ST3GAL3: variants seen among roughly 807,000 people sequenced by gnomAD.
ST3GAL3 encodes the protein ST3 beta-galactoside alpha-2,3-sialyltransferase 3, also known as CMP-N-acetylneuraminate-beta-1,4-galactoside alpha-2,3-sialyltransferase.
Under a neutral mutation model 50.1 loss-of-function variants are expected in ST3GAL3, and 21 were observed. That is an observed-to-expected ratio of 0.42 (90% CI 0.30 to 0.60). The LOEUF (loss-of-function observed/expected upper bound fraction) is 0.60. Ranked by LOEUF, ST3GAL3 falls within the 20% of genes least tolerant of loss-of-function variation. ST3GAL3 has a pLI of 0.19. For synonymous variants in ST3GAL3, 183 were observed against 190.0 expected (o/e 0.96, Z 0.30); for missense variants, 353 against 489.4 (o/e 0.72, Z 2.63).
intron 5 of ST3GAL3, among the ~76,000 whole-genome samples, chr1:43,886,275 T>C (rs890492898): frequency 6.6e-6 from 1 of 152,054 alleles, no homozygotes; most frequent in African/African-American, 2.4e-5. Flanking sequence ...CAGCTACTCG[T>C]GAGGCTGAGG....
intron 4 of ST3GAL3, among the ~76,000 whole-genome samples, chr1:43,834,536 G>A (rs1298040509): frequency 2.0e-5 from 3 of 152,138 alleles, no homozygotes; most frequent in Non-Finnish European, 2.9e-5. Context: ...AGTGTGTGAC[G>A]CAGTTGGTCT....
At chr1:43,864,929 C>T (rs914095374) in intron 5 of ST3GAL3, among the ~76,000 whole-genome samples, 1 of 152,036 alleles carries the variant, frequency 6.6e-6, no homozygotes, top group Non-Finnish European at 1.5e-5. Context: ...GCTTCAAATT[C>T]CTGCAGAACA....
intron 5 of ST3GAL3, among the ~76,000 whole-genome samples, chr1:43,867,871 G>A (rs755006943): frequency 6.6e-6 from 1 of 152,068 alleles, no homozygotes; most frequent in Non-Finnish European, 1.5e-5. Context: ...TAGGATGAAG[G>A]AGAATAGGAA....
At chr1:43,734,926 T>G (rs1328974758) in intron 1 of ST3GAL3, among the ~76,000 whole-genome samples, 4 of 152,056 alleles carry the variant, frequency 2.6e-5, no homozygotes, top group African/African-American at 9.7e-5. Flanking sequence ...ACATTTAAGG[T>G]GTACCTGCTA....
chr1:43,786,716 T>C (rs916818097), intron 2 of ST3GAL3, among the ~76,000 whole-genome samples: 1 of 152,256 alleles, frequency 6.6e-6, no homozygotes, highest in Non-Finnish European at 1.5e-5. Flanking sequence ...ATTTTTGTTC[T>C]TACTCACCAC....
chr1:43,782,835 T>C (rs1032674055), intron 2 of ST3GAL3, among the ~76,000 whole-genome samples: 1 of 152,194 alleles, frequency 6.6e-6, no homozygotes, highest in Non-Finnish European at 1.5e-5. Flanking sequence ...AAAAGATCAG[T>C]GTCAAAATTC....
At chr1:43,763,511 A>T (rs886365111) in intron 2 of ST3GAL3, among the ~76,000 whole-genome samples, 1 of 152,200 alleles carries the variant, frequency 6.6e-6, no homozygotes, top group Non-Finnish European at 1.5e-5. Flanking sequence ...GCTCCATTTC[A>T]AGCCAATCAG....
At chr1:43,797,331 A>G (rs2058792181) in intron 3 of ST3GAL3, among the ~76,000 whole-genome samples, 1 of 152,216 alleles carries the variant, frequency 6.6e-6, no homozygotes, top group African/African-American at 2.4e-5. Flanking sequence ...AAAATCTTTT[A>G]AAAGTTGAAC....
At chr1:43,920,979 G>A (rs1334047892) in intron 11 of ST3GAL3, 51 bp downstream of exon 11, 3 of 1,552,022 alleles carry the variant, frequency 1.9e-6, no homozygotes, top group African/African-American at 2.7e-5. Flanking sequence ...AGGGGGAGGT[G>A]CATAAATGAG....
chr1:43,805,083 G>A (rs972382837), intron 3 of ST3GAL3, among the ~76,000 whole-genome samples: 59 of 152,146 alleles, frequency 3.9e-4, no homozygotes, highest in African/African-American at 1.3e-3. Flanking sequence ...TAGTTTAATT[G>A]AAAGCAACAA....
chr1:43,878,820 G>A (rs751748293), intron 5 of ST3GAL3, among the ~76,000 whole-genome samples: 8 of 152,142 alleles, frequency 5.3e-5, no homozygotes, highest in Non-Finnish European at 1.0e-4. Context: ...TTGGTGGAAG[G>A]CAGATCTCTG....
At chr1:43,772,809 T>A (rs1167054513) in intron 2 of ST3GAL3, 1 of 152,576 alleles carries the variant, frequency 6.6e-6, no homozygotes, top group South Asian at 2.1e-4. Flanking sequence ...TGCAGTGGCG[T>A]GATCTCGGCT....
chr1:43,839,048 G>A (rs898104932), intron 5 of ST3GAL3: 1 of 154,762 alleles, frequency 6.5e-6, no homozygotes, highest in Non-Finnish European at 1.4e-5. Flanking sequence ...CACCAGAGGA[G>A]TGCTAGGGGT....
In ST3GAL3 at chr1:43,879,665, G is replaced by T. The variant is rs114753472; in HGVS notation, c.303-14718G>T. 8.0e-3 allele frequency among the ~76,000 whole-genome samples: 1,225 copies of T among 152,258 alleles called. 16 individuals are homozygous for T. Among genetic ancestry groups the T allele is most frequent in the African/African-American group, 0.027 (1,140 of 41,548 alleles). On this transcript the variant is annotated intron_variant, in intron 5 of 11. Coordinates refer to ENST00000347631, the MANE Select transcript of ST3GAL3 (RefSeq NM_006279.5). ...GAGATTTGTTTGTAAAATAGGTGTT[G>T]CTCTTTGTGAGGATCTGGGAATATG...
intron 5 of ST3GAL3, among the ~76,000 whole-genome samples, chr1:43,873,506 C>T (rs1161618104): frequency 1.3e-5 from 2 of 151,640 alleles, no homozygotes; most frequent in African/African-American, 4.8e-5. Flanking sequence ...GGGGAAGGGC[C>T]AGGTGTGGTG....
chr1:43,902,681 G>A (rs765502586), intron 9 of ST3GAL3, among the ~76,000 whole-genome samples: 6 of 152,202 alleles, frequency 3.9e-5, no homozygotes, highest in Admixed American at 6.5e-5. Flanking sequence ...GAGCACCAGC[G>A]GATGGGCAAG....
At chr1:43,920,151 A>C in intron 9 of ST3GAL3, 1 of 537,508 alleles carries the variant, frequency 1.9e-6, no homozygotes, top group Non-Finnish European at 3.4e-6. Flanking sequence ...TGCCTGCCCG[A>C]CGACTCCCTT....
intron 1 of ST3GAL3, among the ~76,000 whole-genome samples, chr1:43,723,483 A>T (rs1671480228): frequency 6.6e-6 from 1 of 152,210 alleles, no homozygotes; most frequent in Non-Finnish European, 1.5e-5. Flanking sequence ...TGAAGCTCTC[A>T]TCAGAAGTGG....
intron 5 of ST3GAL3, among the ~76,000 whole-genome samples, chr1:43,860,519 C>A (rs915984097): frequency 2.0e-5 from 3 of 152,240 alleles, no homozygotes; most frequent in Non-Finnish European, 4.4e-5. Context: ...GGCAAAGGCA[C>A]AGCTGCATGT....
Sources: allele counts gnomAD v4.1 joint callset (sites outside exome capture counted in the v4.1 genomes callset), GRCh38; gene constraint gnomAD v4.1.1; transcripts MANE v1.5; gene names NCBI Gene and HGNC (gene_info 2026-07-23, HGNC 2026-07-21).